SAMD8: variants seen among roughly 807,000 people sequenced by gnomAD.
SAMD8 encodes sterile alpha motif domain containing 8.
A neutral mutation model predicts 42.0 loss-of-function variants in SAMD8; 20 were observed. That is an observed-to-expected ratio of 0.48 (90% CI 0.34 to 0.69). The LOEUF is 0.69. Ranked by LOEUF, SAMD8 falls within the 30% of genes least tolerant of loss-of-function variation. SAMD8 has a pLI of 0.01. For synonymous variants in SAMD8, 162 were observed against 173.0 expected (o/e 0.94, Z 0.50); for missense variants, 328 against 511.6 (o/e 0.64, Z 3.46).
chr10:75,108,882 TC>T, upstream of SAMD8: 1 of 1,267,946 alleles, frequency 7.9e-7, no homozygotes, highest in Non-Finnish European at 1.0e-6. Context: ...CTGGAGAAGG[TC>T]CCTGGCCTGG....
chr10:75,132,653 T>C (rs953977277), intron 1 of SAMD8, among the ~76,000 whole-genome samples: 1 of 151,926 alleles, frequency 6.6e-6, no homozygotes, highest in Non-Finnish European at 1.5e-5. Context: ...TAATAAAATC[T>C]TTCCTGTATA....
intron 1 of SAMD8, among the ~76,000 whole-genome samples, chr10:75,114,530 C>G (rs868448020): frequency 1.3e-5 from 2 of 152,150 alleles, no homozygotes; most frequent in Non-Finnish European, 2.9e-5. Flanking sequence ...AATACTTCTT[C>G]AAAACTTTGC....
chr10:75,169,344 G>T (rs915068845), intron 4 of SAMD8, among the ~76,000 whole-genome samples: 6 of 151,238 alleles, frequency 4.0e-5, no homozygotes, highest in Non-Finnish European at 7.4e-5. Flanking sequence ...AATTAGCCAG[G>T]TGCAGTGGTG....
intron 1 of SAMD8, chr10:75,103,808 C>T (rs1255302406): frequency 9.2e-7 from 1 of 1,089,468 alleles, no homozygotes; most frequent in African/African-American, 1.7e-5. Context: ...CCCTTCCTCT[C>T]TCCTCCCCTC....
At chr10:75,104,123 A>C in intron 1 of SAMD8, 3 of 1,318,094 alleles carry the variant, frequency 2.3e-6, no homozygotes, top group Non-Finnish European at 3.0e-6. Context: ...GCTCTGTGTT[A>C]CAGGCAGGTG....
At chr10:75,130,018 A>G (rs1364263775) in intron 1 of SAMD8, among the ~76,000 whole-genome samples, 1 of 152,130 alleles carries the variant, frequency 6.6e-6, no homozygotes, top group Non-Finnish European at 1.5e-5. Context: ...TTGAGGGGCA[A>G]TTAGGGGAGA....
At chr10:75,163,402 CCCTTCCTCCCTA>C (rs1274970251) in intron 2 of SAMD8, among the ~76,000 whole-genome samples, 1 of 152,080 alleles carries the variant, frequency 6.6e-6, no homozygotes, top group East Asian at 1.9e-4. Context: ...CTTTCTTCCT[CCCTTCCTCCCTA>C]CCTTCCTTCT....
chr10:75,127,610 A>G (rs1236898035), intron 1 of SAMD8, among the ~76,000 whole-genome samples: 1 of 152,214 alleles, frequency 6.6e-6, no homozygotes, highest in Non-Finnish European at 1.5e-5. Flanking sequence ...CACGGTTCAG[A>G]ACTTGAGTTT....
chr10:75,162,738 A>G (rs558636872), intron 2 of SAMD8, among the ~76,000 whole-genome samples: 2 of 152,020 alleles, frequency 1.3e-5, no homozygotes, highest in Non-Finnish European at 2.9e-5. Flanking sequence ...GGAAAATACA[A>G]CCATTCTAAA....
At chr10:75,143,845 T>A (rs1422421721) in intron 1 of SAMD8, among the ~76,000 whole-genome samples, 1 of 152,170 alleles carries the variant, frequency 6.6e-6, no homozygotes, top group Non-Finnish European at 1.5e-5. Flanking sequence ...CTTCAAATAT[T>A]TTTTCTGTTC....
intron 1 of SAMD8, among the ~76,000 whole-genome samples, chr10:75,102,531 G>A (rs1057101217): frequency 2.0e-5 from 3 of 152,252 alleles, no homozygotes; most frequent in African/African-American, 7.2e-5. Flanking sequence ...CCCTTGGCCG[G>A]ATGCAGTGGC....
chr10:75,134,095 A>C (rs1035872950), intron 1 of SAMD8, among the ~76,000 whole-genome samples: 3 of 152,140 alleles, frequency 2.0e-5, no homozygotes, highest in Non-Finnish European at 4.4e-5. Context: ...CAGTAATGGT[A>C]TTGCTGGGAC....
intron 4 of SAMD8, among the ~76,000 whole-genome samples, chr10:75,171,357 CG>C (rs1364094236): frequency 1.3e-5 from 2 of 149,828 alleles, no homozygotes; most frequent in African/African-American, 4.9e-5. Flanking sequence ...TTAGTAGAGA[CG>C]GGGTTTCACT....
At position 75,158,596 on chromosome 10, in the gene SAMD8, A is replaced by G. The variant is rs1188376893; in HGVS notation, c.579-6049A>G. On this transcript the variant is annotated intron_variant, in intron 2 of 5. Transcript: ENST00000542569. ...GACAGAGCGAGACTCTCTCAAAAAA[A>G]AAATAATAATAAAGTATACAATTCA... 5.9e-5 allele frequency among the ~76,000 whole-genome samples: 9 copies of G among 152,182 alleles called. No homozygotes were observed. In the East Asian group the frequency reaches 1.7e-3, roughly 29 times the overall value.
At chr10:75,155,992 C>T (rs1408491149) in intron 2 of SAMD8, among the ~76,000 whole-genome samples, 2 of 152,138 alleles carry the variant, frequency 1.3e-5, no homozygotes, top group Non-Finnish European at 2.9e-5. Context: ...GGGAGGATTG[C>T]TTGAGCCCAG....
At chr10:75,105,843 C>T (rs755182733) in intron 1 of SAMD8, 2 of 1,550,552 alleles carry the variant, frequency 1.3e-6, no homozygotes, top group East Asian at 4.9e-5. Flanking sequence ...GGCTCACGCC[C>T]ACCACACAGT....
chr10:75,147,442 C>G (rs1475276181), intron 1 of SAMD8, among the ~76,000 whole-genome samples: 1 of 152,180 alleles, frequency 6.6e-6, no homozygotes, highest in Middle Eastern at 3.2e-3. Context: ...TTCTCTGCCT[C>G]AACCTCCCTA....
At chr10:75,132,389 G>A (rs1294609566) in intron 1 of SAMD8, among the ~76,000 whole-genome samples, 1 of 152,138 alleles carries the variant, frequency 6.6e-6, no homozygotes. Flanking sequence ...TGGTTCTCTA[G>A]TTTATCCATT....
chr10:75,180,965 A>G lies in SAMD8; in HGVS notation c.*4273A>G, dbSNP rs1427935042. The G allele has an allele frequency of 6.6e-6, 1 of 152,224 alleles. No individual in the cohort carries two copies. The highest frequency in any genetic ancestry group is 1.5e-5 in the Non-Finnish European group (1 of 68,046). The allele number at this position is 152,224 out of a possible 1,614,324, so 9.4% of individuals were successfully genotyped here. On this transcript the variant is annotated 3_prime_UTR_variant, in exon 6 of 6. Transcript: ENST00000542569. ...GATTCTAGATCTAAATTGCCTAAGA[A>G]TGTTAACCACATTCTTGTTTTAAAC... is the stretch of plus-strand genomic sequence containing the variant.
Sources: allele counts gnomAD v4.1 joint callset (sites outside exome capture counted in the v4.1 genomes callset), GRCh38; gene constraint gnomAD v4.1.1; transcripts MANE v1.5; gene names NCBI Gene and HGNC (gene_info 2026-07-23, HGNC 2026-07-21).